ATP2B2: variants seen among roughly 807,000 people sequenced by gnomAD.
The protein encoded by ATP2B2 is plasma membrane calcium-transporting ATPase 2.
Under a neutral mutation model 120.0 loss-of-function variants are expected in ATP2B2, and 15 were observed. The ratio of observed to expected loss-of-function variants is 0.12; its 90% CI spans 0.08 to 0.19. ATP2B2 has a LOEUF of 0.19. ATP2B2 is among the 10% of genes least tolerant of loss of function. The pLI is 1.00. For missense variants in ATP2B2, 1,045 were observed against 1,719.8 expected (o/e 0.61, Z 6.94); for synonymous variants, 694 against 700.3 (o/e 0.99, Z 0.14).
rs1574913943 is a variant in ATP2B2 at position 10,328,538 on chromosome 3, T to A, written c.*276A>T. On this transcript the variant is annotated 3_prime_UTR_variant, in exon 23 of 23. Transcript: ENST00000360273. The stretch of plus-strand genomic sequence containing the variant: ...GGTGCATGGCTGGTCCATGTCTGGG[T>A]GGGAGCCAGGAAGGGCTTGTTTTGG... 8.7e-6 allele frequency: 4 copies of A among 462,226 alleles called. No individual in the cohort carries two copies. The highest frequency in any genetic ancestry group is 1.5e-5 in the Non-Finnish European group (4 of 258,250). 28.6% of individuals were successfully genotyped at this position (462,226 alleles called of 1,614,324 possible).
intron 1 of ATP2B2, among the ~76,000 whole-genome samples, chr3:10,459,887 G>A (rs2064414924): frequency 6.6e-6 from 1 of 152,240 alleles, no homozygotes; most frequent in South Asian, 2.1e-4. Context: ...GGGTGGCAGG[G>A]CCAGCCCTCT....
intron 2 of ATP2B2, among the ~76,000 whole-genome samples, chr3:10,603,830 T>C (rs888806852): frequency 6.6e-6 from 1 of 152,034 alleles, no homozygotes; most frequent in Non-Finnish European, 1.5e-5. Flanking sequence ...GCCCAATAAA[T>C]AGACTTAACT....
At chr3:10,639,858 C>T (rs756421746) in intron 1 of ATP2B2, among the ~76,000 whole-genome samples, 4 of 152,196 alleles carry the variant, frequency 2.6e-5, no homozygotes, top group Non-Finnish European at 4.4e-5. Flanking sequence ...TGCTTAAACT[C>T]GAGCTAAGGC....
At chr3:10,498,749 C>A (rs1048477397) in intron 1 of ATP2B2, among the ~76,000 whole-genome samples, 7 of 152,186 alleles carry the variant, frequency 4.6e-5, no homozygotes, top group Non-Finnish European at 1.0e-4. Context: ...GTGCTTGGAC[C>A]CCAAACGGTG....
chr3:10,596,241 C>T (rs899069658), intron 2 of ATP2B2, among the ~76,000 whole-genome samples: 3 of 152,168 alleles, frequency 2.0e-5, no homozygotes, highest in Non-Finnish European at 4.4e-5. Context: ...TGGGAGGGAT[C>T]TGTTCATGGC....
chr3:10,353,035 G>T (rs2060621351), intron 14 of ATP2B2, among the ~76,000 whole-genome samples: 1 of 152,200 alleles, frequency 6.6e-6, no homozygotes, highest in African/African-American at 2.4e-5. Context: ...CGATGACAGG[G>T]TGCTCCCTCC....
At position 10,662,516 on chromosome 3, in the gene ATP2B2, G is replaced by T. The variant is rs548781992; in HGVS notation, c.-459-42555C>A. Among the ~76,000 whole-genome samples the T allele has an allele frequency of 6.9e-3, 933 of 135,048 alleles. 28 individuals are homozygous for T. Among genetic ancestry groups the T allele is most frequent in the African/African-American group, 0.032 (865 of 27,230 alleles). The allele number at this position is 135,048 out of a possible 152,430, so 88.6% of individuals were successfully genotyped here. ...ATGCTCATCATCCCTGGCCATCAGA[G>T]AAATGCAAATCAAAACCACAATGAG... On this transcript the variant is annotated intron_variant, in intron 1 of 21. Coordinates refer to the ATP2B2 transcript ENST00000646379.
At chr3:10,460,828 C>T (rs2064457207) in intron 1 of ATP2B2, among the ~76,000 whole-genome samples, 1 of 152,154 alleles carries the variant, frequency 6.6e-6, no homozygotes, top group Non-Finnish European at 1.5e-5. Context: ...CTGATTTCTG[C>T]CAGAACTGGG....
intron 2 of ATP2B2, among the ~76,000 whole-genome samples, chr3:10,573,156 T>C (rs1470609525): frequency 1.3e-5 from 2 of 151,924 alleles, no homozygotes; most frequent in African/African-American, 4.8e-5. Flanking sequence ...AATACATTTT[T>C]TTTTTTTTGC....
Position 10,534,511 on chromosome 3 carries a change from C to T in ATP2B2, c.-414-378G>A, listed in dbSNP as rs542755000. 5.3e-4 allele frequency among the ~76,000 whole-genome samples: 81 copies of T among 152,382 alleles called. 2 individuals are homozygous for T. Among genetic ancestry groups the T allele is most frequent in the Admixed American group, 4.2e-3 (64 of 15,308 alleles). On this transcript the variant is annotated intron_variant, in intron 2 of 21. Transcript: ENST00000646379. ...GAGCACCTACTACATTCCAGCTACTCTGGTAAACACTTTACATAAATTATC... is the reference window on the plus strand; with the variant it reads ...GAGCACCTACTACATTCCAGCTACTTTGGTAAACACTTTACATAAATTATC...
intron 22 of ATP2B2, chr3:10,332,063 T>G: frequency 6.5e-7 from 1 of 1,547,468 alleles, no homozygotes; most frequent in Non-Finnish European, 8.7e-7. Flanking sequence ...CATGGAATAT[T>G]CAGACAGTGG....
chr3:10,655,219 C>T (rs2117399), intron 1 of ATP2B2, among the ~76,000 whole-genome samples: 14,774 of 152,238 alleles, frequency 0.097, 1,004 homozygotes, highest in East Asian at 0.38. Flanking sequence ...ATCCCTCTGT[C>T]GCTTAACTCT....
chr3:10,574,507 A>G (rs2068199800), intron 2 of ATP2B2, among the ~76,000 whole-genome samples: 1 of 152,068 alleles, frequency 6.6e-6, no homozygotes, highest in Non-Finnish European at 1.5e-5. Flanking sequence ...CTTTTCTTCT[A>G]TTGATTTTCA....
Position 10,340,140 on chromosome 3 carries a change from C to T in ATP2B2, c.3237+102G>A. On this transcript the variant is annotated intron_variant, in intron 21 of 22. Coordinates refer to ENST00000360273, the MANE Select transcript of ATP2B2 (RefSeq NM_001001331.4). This position sits in a 1 kb window ranked among gnomAD's most constrained non-coding sequence, Gnocchi z 5.0. ...TGTCCAGAGATAGGGAGGAGCTTGC[C>T]TGGGGTCTGGCAGCCCATTCCTGGG... 4.4e-6 allele frequency: 5 copies of T among 1,124,926 alleles called. No individual in the cohort carries two copies. The highest frequency in any genetic ancestry group is 1.3e-5 in the South Asian group (1 of 78,116). 69.7% of individuals were successfully genotyped at this position (1,124,926 alleles called of 1,614,324 possible).
At chr3:10,448,139 G>A (rs747997211) in intron 2 of ATP2B2, among the ~76,000 whole-genome samples, 2 of 152,184 alleles carry the variant, frequency 1.3e-5, no homozygotes, top group Non-Finnish European at 2.9e-5. Flanking sequence ...AGAGGAGACA[G>A]GCTCCTTTTC....
At chr3:10,436,907 C>T (rs2063497557) in intron 2 of ATP2B2, among the ~76,000 whole-genome samples, 1 of 146,798 alleles carries the variant, frequency 6.8e-6, no homozygotes, top group Non-Finnish European at 1.5e-5. Flanking sequence ...GGAGGTGTTG[C>T]CATTGTCAGG....
chr3:10,637,633 A>G (rs1366624312), intron 1 of ATP2B2, among the ~76,000 whole-genome samples: 6 of 152,220 alleles, frequency 3.9e-5, no homozygotes, highest in East Asian at 1.9e-4. Flanking sequence ...TGAAAAGAGT[A>G]TCAGTGAGCT....
intron 5 of ATP2B2, among the ~76,000 whole-genome samples, chr3:10,396,824 C>A (rs1328385680): frequency 6.6e-6 from 1 of 151,916 alleles, no homozygotes; most frequent in East Asian, 1.9e-4. Flanking sequence ...TTCAACACAA[C>A]CTCATGAGCT....
At chr3:10,506,180 G>C (rs1013224454), upstream of ATP2B2, among the ~76,000 whole-genome samples, 8 of 152,134 alleles carry the variant, frequency 5.3e-5, no homozygotes, top group African/African-American at 1.9e-4. Context: ...AAACACATCT[G>C]TGTTTCCAGG....
Sources: allele counts gnomAD v4.1 joint callset (sites outside exome capture counted in the v4.1 genomes callset), GRCh38; gene constraint gnomAD v4.1.1; non-coding constraint Gnocchi (gnomAD v3.1); transcripts MANE v1.5; gene names NCBI Gene and HGNC (gene_info 2026-07-23, HGNC 2026-07-21).